The following DIP2C variants were observed in gnomAD, a reference collection of about 807,000 sequenced individuals.
DIP2C encodes the protein DIP2 acetate--CoA ligase C (putative), also known as disco-interacting protein 2 homolog C.
In DIP2C, 33 loss-of-function variants were observed where a neutral mutation model predicts 192.4. The ratio of observed to expected loss-of-function variants is 0.17; its 90% confidence interval spans 0.13 to 0.23. The LOEUF (loss-of-function observed/expected upper bound fraction) is 0.23. Among genes scored for constraint, DIP2C ranks in the 10% least tolerant of loss-of-function variants. The pLI, the probability that DIP2C is intolerant of heterozygous loss-of-function variation, is 1.00. For missense variants in DIP2C, 1,537 were observed against 2,110.1 expected (o/e 0.73, Z 5.32); for synonymous variants, 979 against 864.1 (o/e 1.13, Z -2.33).
chr10:547,575 G>A lies in DIP2C; in HGVS notation c.86-61045C>T, dbSNP rs1295687596. ...GAGGAAGGGAGGGTGGAGAAAAAGG[G>A]GCTGGAACAGTCTCTGTCATGAGCT... On this transcript the variant is annotated intron_variant, in intron 1 of 36. Coordinates refer to ENST00000280886, the MANE Select transcript of DIP2C (RefSeq NM_014974.3). 1.3e-5 allele frequency among the ~76,000 whole-genome samples: 2 copies of A among 152,084 alleles called. 1 individual carries two copies. Among genetic ancestry groups the A allele is most frequent in the East Asian group, 3.8e-4 (2 of 5,198 alleles).
At chr10:447,916 T>C (rs1374013125) in intron 3 of DIP2C, among the ~76,000 whole-genome samples, 7 of 88,684 alleles carry the variant, frequency 7.9e-5, no homozygotes, top group Non-Finnish European at 8.1e-5. Context: ...GACCCACTCA[T>C]CCCTGTCTAT....
At chr10:514,185 A>AAT (rs1846208573) in intron 1 of DIP2C, among the ~76,000 whole-genome samples, 1 of 151,470 alleles carries the variant, frequency 6.6e-6, no homozygotes, top group Non-Finnish European at 1.5e-5. Context: ...AACACCTGCT[A>AAT]ATACTGAAGA....
intron 1 of DIP2C, among the ~76,000 whole-genome samples, chr10:498,039 CAG>C (rs5782553): frequency 0.37 from 56,172 of 151,788 alleles, 12,780 homozygotes; most frequent in East Asian, 0.64. Context: ...ACCCGGCTAA[CAG>C]TGTATTTTTT....
chr10:311,657 C>T (rs1471019091), intron 31 of DIP2C: 2 of 1,112,558 alleles, frequency 1.8e-6, no homozygotes, highest in Non-Finnish European at 2.3e-6. Context: ...CACATACGAC[C>T]CGACAGTGAA....
chr10:589,084 C>CG (rs1851255482), intron 1 of DIP2C, among the ~76,000 whole-genome samples: 1 of 152,114 alleles, frequency 6.6e-6, no homozygotes, highest in African/African-American at 2.4e-5. Context: ...TGAAACCAGT[C>CG]GCACTGAAGG....
At chr10:596,950 T>C (rs1344548179) in intron 1 of DIP2C, among the ~76,000 whole-genome samples, 1 of 152,104 alleles carries the variant, frequency 6.6e-6, no homozygotes, top group East Asian at 1.9e-4. Flanking sequence ...GTGGCATTGG[T>C]TTTGTGTATC....
chr10:338,853 C>T (rs1390181957), intron 29 of DIP2C, among the ~76,000 whole-genome samples: 1 of 149,274 alleles, frequency 6.7e-6, no homozygotes, highest in East Asian at 2.0e-4. Flanking sequence ...CTGCACCCTG[C>T]CTGGCTCCCA....
intron 29 of DIP2C, among the ~76,000 whole-genome samples, chr10:337,967 T>C (rs1191302472): frequency 4.6e-5 from 7 of 150,920 alleles, no homozygotes; most frequent in Admixed American, 2.6e-4. Context: ...TGTGTGTGTG[T>C]GCGTGTGTGT....
rs368891631 is a variant in DIP2C at position 359,473 on chromosome 10, G to A, written c.2795-1536C>T. On this transcript the variant is annotated intron_variant, in intron 22 of 36. Transcript: ENST00000280886. The stretch of plus-strand genomic sequence containing the variant: ...TAGGAGCCTCGAGTCTGGACTCTGT[G>A]TAACAGTAAGATGCCTCCTACACTC... 5.3e-5 allele frequency among the ~76,000 whole-genome samples: 8 copies of A among 152,302 alleles called. No homozygotes were observed. The South Asian group carries it at 1.7e-3, about 32-fold the overall frequency.
At chr10:349,060 A>G (rs1411412332) in intron 25 of DIP2C, among the ~76,000 whole-genome samples, 1 of 152,224 alleles carries the variant, frequency 6.6e-6, no homozygotes, top group Non-Finnish European at 1.5e-5. Context: ...TATTAAGTGA[A>G]TTACCTGAGG....
chr10:384,050 A>G lies in DIP2C; in HGVS notation c.1853T>C (p.Ile618Thr). ...DINLSSLRML[I>T]VADGANPWSI... ...ACAGGGGTTCGCGCCGTCCGCCACT[A>G]TCAGCATTCGCAGAGAGGAGAGGTT... Residue 618 changes from isoleucine to threonine, a missense_variant, in exon 16 of 37, where the codon ATA (isoleucine) becomes ACA (threonine). Ile to Thr is a moderately conservative substitution (Grantham distance 89). Around this residue, in one of 4 missense-constraint regions of DIP2C, gnomAD observed 677 missense variants for 989.9 expected, o/e 0.68. Coordinates refer to ENST00000280886, the MANE Select transcript of DIP2C (RefSeq NM_014974.3). 2 of 1,607,856 alleles carry G rather than the reference A, an allele frequency of 1.2e-6. No homozygotes were observed. The highest frequency in any genetic ancestry group is 8.5e-7 in the Non-Finnish European group (1 of 1,178,286).
chr10:411,965 A>AATTAAAATACAACATATAGATG (rs1215540937), intron 8 of DIP2C, among the ~76,000 whole-genome samples: 2 of 152,266 alleles, frequency 1.3e-5, no homozygotes, highest in Admixed American at 1.3e-4. Context: ...TAAAATGGAT[A>AATTAAAATACAACATATAGATG]ATTAAAATAC....
chr10:427,883 A>G (rs1389265474), intron 4 of DIP2C, among the ~76,000 whole-genome samples: 2 of 152,236 alleles, frequency 1.3e-5, no homozygotes, highest in African/African-American at 2.4e-5. Flanking sequence ...TAAACTTACA[A>G]TAAGAGTCAA....
chr10:533,187 G>A (rs995319502), intron 1 of DIP2C, among the ~76,000 whole-genome samples: 1 of 152,130 alleles, frequency 6.6e-6, no homozygotes, highest in Non-Finnish European at 1.5e-5. Flanking sequence ...CGAAGCCTAA[G>A]GTCAAATGCA....
Position 661,236 on chromosome 10 carries a change from CAGAG to C in DIP2C, c.85+28254_85+28257del, listed in dbSNP as rs1234490279. The stretch of plus-strand genomic sequence containing the variant: ...GAATAACCAACAACCAGTCCCTGAA[CAGAG>C]AGAGAAGACTGCAGCCTCCCTGGGG... On this transcript the variant is annotated intron_variant, in intron 1 of 36. Coordinates refer to ENST00000280886, the MANE Select transcript of DIP2C (RefSeq NM_014974.3). Among the ~76,000 whole-genome samples the C allele has an allele frequency of 7.9e-5, 12 of 152,224 alleles. 1 individual carries two copies. The highest frequency in any genetic ancestry group is 2.9e-5 in the Non-Finnish European group (2 of 68,044).
chr10:615,242 G>C (rs1455860810), intron 1 of DIP2C, among the ~76,000 whole-genome samples: 1 of 152,182 alleles, frequency 6.6e-6, no homozygotes, highest in Non-Finnish European at 1.5e-5. Context: ...AATGAGATCT[G>C]TTTCCCTGTA....
intron 1 of DIP2C, among the ~76,000 whole-genome samples, chr10:525,988 C>G (rs547442331): frequency 6.6e-6 from 1 of 152,212 alleles, no homozygotes; most frequent in Non-Finnish European, 1.5e-5. Context: ...GGCAGTGGAA[C>G]CCCCGCACAC....
chr10:576,909 TTCTG>T (rs1247766947), intron 1 of DIP2C, among the ~76,000 whole-genome samples: 1 of 151,374 alleles, frequency 6.6e-6, no homozygotes, highest in Non-Finnish European at 1.5e-5. Context: ...CAGAGCAAGA[TTCTG>T]TCTAATAAAA....
At chr10:301,660 A>G (rs2132267969) in intron 32 of DIP2C, among the ~76,000 whole-genome samples, 1 of 152,368 alleles carries the variant, frequency 6.6e-6, no homozygotes, top group Non-Finnish European at 1.5e-5. Context: ...AAATATGGCA[A>G]CAAGCCTGCC....
Sources: gnomAD v4.1 joint callset for allele counts (sites outside exome capture counted in the v4.1 genomes callset) on GRCh38, gnomAD v4.1.1 for gene constraint, gnomAD v4.1.1 regional missense constraint, MANE v1.5 for transcripts, NCBI Gene and HGNC (gene_info 2026-07-23, HGNC 2026-07-21) for gene names.